Variants in MTUS2 observed in about 807,000 individuals in gnomAD.
MTUS2 encodes microtubule-associated tumor suppressor candidate 2.
MTUS2 carries 40 observed loss-of-function variants against 114.1 expected under a neutral mutation model. The observed-to-expected ratio is 0.35, with a 90% confidence interval of 0.27 to 0.46. MTUS2 has a LOEUF of 0.46. Among genes scored for constraint, MTUS2 ranks in the 20% least tolerant of loss-of-function variants. The probability of loss-of-function intolerance (pLI) is 1.00; values close to 1 mark genes in which losing one functional copy is unlikely to be tolerated. For synonymous variants in MTUS2, 688 were observed against 672.0 expected, an observed-to-expected ratio of 1.02 and a Z score of -0.37; for missense variants, 1,679 against 1,705.4, an observed-to-expected ratio of 0.98 and a Z score of 0.27.
intron 9 of MTUS2, among the ~76,000 whole-genome samples, chr13:29,448,900 C>T (rs934089825): frequency 4.0e-5 from 6 of 151,828 alleles, no homozygotes; most frequent in South Asian, 2.1e-4. Context: ...ATTACAGACA[C>T]GGGCCACCAC....
rs542610162 is a variant in MTUS2, at chr13:29,325,967, G to T, written c.2905+1256G>T. On this transcript the variant is annotated intron_variant, in intron 7 of 15. Coordinates refer to ENST00000612955, the MANE Select transcript of MTUS2 (RefSeq NM_001033602.4). ...TTAACCCAGCAGCATGGAGAATAGA[G>T]AACTTATTAAAATTGCTGATTAATT... is the stretch of plus-strand genomic sequence containing the variant. Among the ~76,000 whole-genome samples the T allele has an allele frequency of 1.5e-3, 232 of 152,256 alleles. 1 individual carries two copies. Among genetic ancestry groups the T allele is most frequent in the Non-Finnish European group, 2.5e-3 (173 of 68,008 alleles).
At chr13:29,284,049 T>G (rs1898378690) in intron 6 of MTUS2, among the ~76,000 whole-genome samples, 1 of 152,166 alleles carries the variant, frequency 6.6e-6, no homozygotes, top group Non-Finnish European at 1.5e-5. Flanking sequence ...GACATAATAG[T>G]CTCACACCGA....
intron 2 of MTUS2, among the ~76,000 whole-genome samples, chr13:28,964,400 T>C (rs146904764): frequency 1.1e-3 from 162 of 152,268 alleles, no homozygotes; most frequent in African/African-American, 3.9e-3. Flanking sequence ...TTTGAAAATG[T>C]AAATTGGATT....
At chr13:28,871,850 T>A (rs1403623404) in intron 2 of MTUS2, among the ~76,000 whole-genome samples, 1 of 152,062 alleles carries the variant, frequency 6.6e-6, no homozygotes, top group African/African-American at 2.4e-5. Context: ...TTCCAATATC[T>A]CAGGGGAGGA....
At chr13:29,240,986 AT>A (rs1404712717) in intron 5 of MTUS2, among the ~76,000 whole-genome samples, 1 of 152,120 alleles carries the variant, frequency 6.6e-6, no homozygotes, top group Non-Finnish European at 1.5e-5. Context: ...CTCTGCCCTT[AT>A]CAGCTTCTTT....
chr13:29,298,603 A>T (rs1171161643), intron 6 of MTUS2, among the ~76,000 whole-genome samples: 1 of 152,140 alleles, frequency 6.6e-6, no homozygotes, highest in Non-Finnish European at 1.5e-5. Flanking sequence ...GCACATCTTT[A>T]GTGAAGAAAA....
chr13:28,959,317 T>G (rs979771515), intron 2 of MTUS2, among the ~76,000 whole-genome samples: 16 of 152,252 alleles, frequency 1.1e-4, no homozygotes, highest in African/African-American at 3.9e-4. Context: ...CTTCTGAGAT[T>G]GTAATGACCC....
intron 5 of MTUS2, among the ~76,000 whole-genome samples, chr13:29,178,068 G>T (rs1321635956): frequency 3.9e-5 from 6 of 152,148 alleles, no homozygotes; most frequent in Non-Finnish European, 8.8e-5. Flanking sequence ...GTGGTTGGCT[G>T]CAGTCCTTCA....
intron 2 of MTUS2, among the ~76,000 whole-genome samples, chr13:29,000,586 A>G (rs1254090981): frequency 6.6e-6 from 1 of 152,070 alleles, no homozygotes; most frequent in Non-Finnish European, 1.5e-5. Flanking sequence ...GGCTGGTCTC[A>G]AACTCCTGAC....
chr13:29,182,280 C>CT (rs780082003), intron 5 of MTUS2, among the ~76,000 whole-genome samples: 3 of 152,214 alleles, frequency 2.0e-5, no homozygotes, highest in Non-Finnish European at 4.4e-5. Flanking sequence ...CAAAACTGGG[C>CT]TGTTCAGCAC....
At chr13:28,886,423 C>T (rs867706774) in intron 2 of MTUS2, among the ~76,000 whole-genome samples, 7 of 151,942 alleles carry the variant, frequency 4.6e-5, no homozygotes, top group African/African-American at 1.5e-4. Flanking sequence ...TGGTCGAAAT[C>T]GGATTTTACT....
At chr13:29,111,796 A>G (rs1258540754) in intron 5 of MTUS2, among the ~76,000 whole-genome samples, 1 of 152,180 alleles carries the variant, frequency 6.6e-6, no homozygotes, top group Non-Finnish European at 1.5e-5. Flanking sequence ...GAGAAATAAA[A>G]TAATTTATAT....
chr13:28,897,341 A>T (rs1167425173), intron 2 of MTUS2, among the ~76,000 whole-genome samples: 1 of 152,196 alleles, frequency 6.6e-6, no homozygotes, highest in Non-Finnish European at 1.5e-5. Context: ...AATCAAAACC[A>T]CAATGAGATA....
chr13:29,112,602 C>CT (rs911295190), intron 5 of MTUS2, among the ~76,000 whole-genome samples: 1 of 151,804 alleles, frequency 6.6e-6, no homozygotes, highest in East Asian at 1.9e-4. Context: ...TGTGTTTGCT[C>CT]TTTTTTTTAA....
chr13:29,141,985 G>A (rs1398186412), intron 5 of MTUS2, among the ~76,000 whole-genome samples: 4 of 150,966 alleles, frequency 2.6e-5, no homozygotes, highest in Non-Finnish European at 4.4e-5. Context: ...TCAGCCTCCC[G>A]AGTAGCTGGG....
intron 9 of MTUS2, among the ~76,000 whole-genome samples, chr13:29,471,743 C>CCCCG (rs1472070887): frequency 1.0e-4 from 11 of 105,856 alleles, no homozygotes; most frequent in Non-Finnish European, 1.9e-4. Flanking sequence ...GCAGGCCCAG[C>CCCCG]CCCCCCCGAC....
In MTUS2 at chr13:29,133,030, GT is replaced by G. The variant is rs1183245494; in HGVS notation, c.2644+32071del. ...TTCTTGACAACACTTGTTATTTTGTGTTTTTTTTTTTCTTAATAGTAGCCAT... is the reference window on the plus strand; with the variant it reads ...TTCTTGACAACACTTGTTATTTTGTGTTTTTTTTTTCTTAATAGTAGCCAT... On this transcript the variant is annotated intron_variant, in intron 5 of 15. Transcript: ENST00000612955. 4.1e-3 allele frequency among the ~76,000 whole-genome samples: 590 copies of G among 145,588 alleles called. 3 individuals carry two copies. The highest frequency in any genetic ancestry group is 0.012 in the African/African-American group (498 of 40,004).
chr13:28,919,360 T>A (rs1880918454), intron 2 of MTUS2, among the ~76,000 whole-genome samples: 2 of 152,010 alleles, frequency 1.3e-5, no homozygotes, highest in Admixed American at 1.3e-4. Flanking sequence ...AGGGTAAAAG[T>A]TTTTTTTCCC....
intron 5 of MTUS2, among the ~76,000 whole-genome samples, chr13:29,207,784 TG>T (rs1027292839): frequency 6.6e-5 from 10 of 152,330 alleles, no homozygotes; most frequent in African/African-American, 2.4e-4. Flanking sequence ...CACTTGATCA[TG>T]GTGGATTACC....
Sources: allele counts gnomAD v4.1 joint callset (sites outside exome capture counted in the v4.1 genomes callset), GRCh38; gene constraint gnomAD v4.1.1; transcripts MANE v1.5; gene names NCBI Gene and HGNC (gene_info 2026-07-23, HGNC 2026-07-21).